Variants in TACC1 observed in about 807,000 individuals in gnomAD.
TACC1 encodes transforming acidic coiled-coil-containing protein 1.
A neutral mutation model predicts 84.4 loss-of-function variants in TACC1; 48 were observed. The observed-to-expected ratio is 0.57, with a 90% CI of 0.45 to 0.72. The LOEUF is 0.72. Ranked by LOEUF, TACC1 falls within the 30% of genes least tolerant of loss-of-function variation. The probability of loss-of-function intolerance (pLI) is 0.00; values close to 1 mark genes in which losing one functional copy is unlikely to be tolerated. For missense variants in TACC1, 920 were observed against 973.0 expected, an observed-to-expected ratio of 0.95 and a Z score of 0.72; for synonymous variants, 372 against 376.3, an observed-to-expected ratio of 0.99 and a Z score of 0.13.
intron 2 of TACC1, among the ~76,000 whole-genome samples, chr8:38,816,004 T>G (rs1165607585): frequency 6.6e-6 from 1 of 151,788 alleles, no homozygotes; most frequent in African/African-American, 2.4e-5. Context: ...CAGTAGTGTT[T>G]GGATTACATG....
At chr8:38,772,340 T>C (rs1813804160) in intron 3 of TACC1, among the ~76,000 whole-genome samples, 1 of 152,246 alleles carries the variant, frequency 6.6e-6, no homozygotes. Context: ...GACACTACAA[T>C]CTCACTTCTA....
At chr8:38,812,040 G>A (rs1053161737) in intron 2 of TACC1, among the ~76,000 whole-genome samples, 1 of 152,106 alleles carries the variant, frequency 6.6e-6, no homozygotes, top group African/African-American at 2.4e-5. Context: ...ACTGAAATAC[G>A]CTGTGGTCTC....
chr8:38,838,092 C>T (rs1034832840), intron 7 of TACC1, among the ~76,000 whole-genome samples: 14 of 152,206 alleles, frequency 9.2e-5, no homozygotes, highest in African/African-American at 3.1e-4. Flanking sequence ...TGGCATCAGC[C>T]GTGATTACAT....
intron 1 of TACC1, among the ~76,000 whole-genome samples, chr8:38,734,018 G>T (rs1805484353): frequency 6.6e-6 from 1 of 152,102 alleles, no homozygotes; most frequent in Non-Finnish European, 1.5e-5. Flanking sequence ...ATTGCGCAGG[G>T]TCCTAGTTTA....
upstream of TACC1, among the ~76,000 whole-genome samples, chr8:38,783,094 C>CTATA (rs1334969233): frequency 4.5e-4 from 53 of 116,798 alleles, no homozygotes; most frequent in Admixed American, 2.2e-3. Context: ...ATCTATCTAT[C>CTATA]TATCTATCTA....
At chr8:38,777,442 A>C (rs539131021) in intron 3 of TACC1, among the ~76,000 whole-genome samples, 1 of 152,214 alleles carries the variant, frequency 6.6e-6, no homozygotes, top group African/African-American at 2.4e-5. Context: ...GCAGTTCACA[A>C]CTTTTCGGCC....
intron 3 of TACC1, among the ~76,000 whole-genome samples, chr8:38,768,579 T>C (rs1417649549): frequency 6.6e-6 from 1 of 152,132 alleles, no homozygotes; most frequent in East Asian, 1.9e-4. Context: ...TTGTGTGTCT[T>C]GTTTGATCGA....
Position 38,848,152 on chromosome 8 carries a change from T to A in TACC1, c.*129T>A. Reference sequence around the variant, plus strand: ...AAAAAACTTAAAAAAAGCACATGCCTACTGCTGCCTGTCCCGCTTTGCTGC... The same window carrying A: ...AAAAAACTTAAAAAAAGCACATGCCAACTGCTGCCTGTCCCGCTTTGCTGC... On this transcript the variant is annotated 3_prime_UTR_variant, in exon 13 of 13. Transcript: ENST00000317827. The A allele has an allele frequency of 1.3e-6, 1 of 792,900 alleles. No individual in the cohort carries two copies. Among genetic ancestry groups the A allele is most frequent in the Non-Finnish European group, 2.0e-6 (1 of 504,382 alleles). 49.1% of individuals were successfully genotyped at this position (792,900 alleles called of 1,614,324 possible).
intron 3 of TACC1, among the ~76,000 whole-genome samples, chr8:38,761,277 A>T (rs1811162444): frequency 6.6e-6 from 1 of 152,176 alleles, no homozygotes; most frequent in East Asian, 1.9e-4. Context: ...CCTGTGATTC[A>T]TTGGGGAATA....
intron 3 of TACC1, among the ~76,000 whole-genome samples, chr8:38,781,933 T>C (rs2151947382): frequency 6.6e-6 from 1 of 151,376 alleles, no homozygotes; most frequent in Non-Finnish European, 1.5e-5. Context: ...ATTTTTTATT[T>C]TAATTTTATT....
chr8:38,806,448 C>CTGTG (rs763243623), intron 2 of TACC1, among the ~76,000 whole-genome samples: 28 of 149,982 alleles, frequency 1.9e-4, no homozygotes, highest in African/African-American at 4.2e-4. Flanking sequence ...CATGGTCTGC[C>CTGTG]TGTGTGTGTG....
chr8:38,813,766 G>T (rs899458094), intron 2 of TACC1, among the ~76,000 whole-genome samples: 1 of 152,190 alleles, frequency 6.6e-6, no homozygotes, highest in East Asian at 1.9e-4. Flanking sequence ...TTATGTGTTT[G>T]TCTCTCGTTA....
chr8:38,752,102 T>G (rs1259794455), intron 3 of TACC1, among the ~76,000 whole-genome samples: 2 of 152,182 alleles, frequency 1.3e-5, no homozygotes, highest in Non-Finnish European at 2.9e-5. Flanking sequence ...GAAGGATGTA[T>G]TTCGCAATCT....
Sources: gnomAD v4.1 joint callset for allele counts (sites outside exome capture counted in the v4.1 genomes callset) on GRCh38, gnomAD v4.1.1 for gene constraint, MANE v1.5 for transcripts, NCBI Gene and HGNC (gene_info 2026-07-23, HGNC 2026-07-21) for gene names.